Variants in CCNL1 observed in about 807,000 individuals in gnomAD.
The protein encoded by CCNL1 is cyclin-L1.
In CCNL1, 13 loss-of-function variants were observed where a neutral mutation model predicts 60.6. The ratio of observed to expected loss-of-function variants is 0.21; its 90% confidence interval spans 0.14 to 0.34. The LOEUF is 0.34. Among genes scored for constraint, CCNL1 ranks in the 10% least tolerant of loss-of-function variants. CCNL1 has a pLI of 1.00. For synonymous variants in CCNL1, 270 were observed against 244.3 expected (o/e 1.10, Z -0.98); for missense variants, 481 against 664.3 (o/e 0.72, Z 3.03).
downstream of CCNL1, among the ~76,000 whole-genome samples, chr3:157,146,864 TGTTA>T (rs1737803550): frequency 6.6e-6 from 1 of 152,204 alleles, no homozygotes; most frequent in South Asian, 2.1e-4. Flanking sequence ...TGCTGGGTCT[TGTTA>T]GTTTCTGGTT....
downstream of CCNL1, among the ~76,000 whole-genome samples, chr3:157,145,454 AAAAAAAAAAACC>A (rs1160853937): frequency 1.8e-3 from 270 of 148,956 alleles, 11 homozygotes; most frequent in African/African-American, 6.3e-3. Flanking sequence ...AAAAAAAAAA[AAAAAAAAAAACC>A]AAAACGGGAT....
intron 2 of CCNL1, 184 bp from the exon 3 acceptor site, chr3:157,159,159 G>A (rs1738857883): frequency 1.6e-5 from 10 of 630,834 alleles, no homozygotes; most frequent in Middle Eastern, 4.0e-4. Flanking sequence ...TGGTTCCAGA[G>A]TCAAACTCAA....
In CCNL1 at chr3:157,159,792, C is replaced by G; in HGVS notation, c.303G>C (p.Gln101His). 6.5e-7 allele frequency: 1 copy of G among 1,533,806 alleles called. No homozygotes were observed. Among genetic ancestry groups the G allele is most frequent in the Non-Finnish European group, 8.8e-7 (1 of 1,133,982 alleles). Reference protein sequence around the residue: ...QAAGILLRLPQVAMATGQVLF... With the variant: ...QAAGILLRLPHVAMATGQVLF... Reference sequence around the variant, plus strand: ...GCCGGCCCGGGGCCGGAGCACTGACCTGCGGCAGCCGGAGGAGAATGCCGG... The same window carrying G: ...GCCGGCCCGGGGCCGGAGCACTGACGTGCGGCAGCCGGAGGAGAATGCCGG... The change falls in exon 1 of 11, where the codon CAG (glutamine) becomes CAC (histidine). Residue 101 changes from glutamine to histidine, a missense_variant and splice_region_variant. This residue lies in a region of CCNL1 where 130 missense variants were observed against 174.5 expected (regional missense o/e 0.75). Transcript: ENST00000295926.
intron 8 of CCNL1, 43 bp downstream of exon 8, chr3:157,149,793 C>A: frequency 6.3e-7 from 1 of 1,591,590 alleles, no homozygotes. Flanking sequence ...TAAAGACACA[C>A]TTTCAGTGCC....
chr3:157,148,922 A>G (rs1737949534), intron 10 of CCNL1: 1 of 340,236 alleles, frequency 2.9e-6, no homozygotes, highest in African/African-American at 2.1e-5. Context: ...GGCCTAACTA[A>G]AGAAGATTCA....
downstream of CCNL1, among the ~76,000 whole-genome samples, chr3:157,146,850 CTT>C (rs1360600985): frequency 1.3e-5 from 2 of 152,134 alleles, no homozygotes; most frequent in Non-Finnish European, 2.9e-5. Flanking sequence ...AAGTGGCTAA[CTT>C]TTGCTGGGTC....
intron 3 of CCNL1, among the ~76,000 whole-genome samples, chr3:157,157,414 C>T (rs530244800): frequency 1.1e-4 from 16 of 152,280 alleles, no homozygotes; most frequent in African/African-American, 3.6e-4. Flanking sequence ...GAAAATTCCA[C>T]AGAAGATAAT....
At chr3:157,159,336 C>A (rs564482263) in intron 2 of CCNL1, 69 bp downstream of exon 2, 609 of 1,434,432 alleles carry the variant, frequency 4.2e-4, no homozygotes, top group Non-Finnish European at 5.6e-4. Flanking sequence ...AAGCTGGCTG[C>A]TGACACTACC....
chr3:157,151,757 G>C (rs1320990829), intron 5 of CCNL1: 1 of 1,017,878 alleles, frequency 9.8e-7, no homozygotes, highest in Non-Finnish European at 1.2e-6. Flanking sequence ...AAATCCTTTT[G>C]ACACCCCGAC....
Position 157,147,667 on chromosome 3 carries a change from T to C in CCNL1, c.*574A>G, listed in dbSNP as rs1023914425. ...CAATAGCTCACAATGCAGTTAAGAA[T>C]TGCATTTTAATAATCTCAAACTACC... On this transcript the variant is annotated 3_prime_UTR_variant, in exon 11 of 11. Coordinates refer to ENST00000295926, the MANE Select transcript of CCNL1 (RefSeq NM_020307.4). 2.7e-5 allele frequency: 27 copies of C among 983,492 alleles called. No individual in the cohort carries two copies. Among genetic ancestry groups the C allele is most frequent in the East Asian group, 1.1e-4 (1 of 8,836 alleles). 60.9% of individuals were successfully genotyped at this position (983,492 alleles called of 1,614,324 possible). A position where few individuals can be genotyped will look rare whatever the true frequency, so the allele number is the denominator to read the frequency against.
downstream of CCNL1, chr3:157,146,390 T>C (rs942105343): frequency 3.2e-6 from 1 of 309,384 alleles, no homozygotes; most frequent in Non-Finnish European, 6.3e-6. Context: ...AAAAACACCT[T>C]TAACATACAA....
chr3:157,149,418 T>G (rs1282467544), intron 9 of CCNL1, 33 bp from the exon 10 acceptor site: 5 of 1,609,568 alleles, frequency 3.1e-6, no homozygotes, highest in Non-Finnish European at 4.3e-6. Context: ...AGTTACAAAC[T>G]TAGTGTGTTA....
chr3:157,152,403 A>G (rs1738263290), intron 4 of CCNL1, 162 bp from the exon 5 acceptor site: 2 of 1,319,714 alleles, frequency 1.5e-6, no homozygotes, highest in Non-Finnish European at 1.9e-6. Context: ...GAACTGCTAC[A>G]TGACTAGATT....
At chr3:157,155,386 A>T (rs938794159) in intron 3 of CCNL1, among the ~76,000 whole-genome samples, 6 of 152,216 alleles carry the variant, frequency 3.9e-5, no homozygotes, top group Admixed American at 2.6e-4. Context: ...ATTTAGTCCC[A>T]AATCAGACTT....
chr3:157,143,574 C>T (rs1003072167), downstream of CCNL1, among the ~76,000 whole-genome samples: 7 of 152,138 alleles, frequency 4.6e-5, no homozygotes, highest in East Asian at 5.8e-4. Context: ...CCCTCCCTTA[C>T]GAGCTTACAT....
Position 157,160,140 on chromosome 3 carries a change from A to C in CCNL1, c.-46T>G, listed in dbSNP as rs769416067. The C allele has an allele frequency of 6.6e-7, 1 of 1,519,774 alleles. No homozygotes were observed. The highest frequency in any genetic ancestry group is 1.4e-5 in the African/African-American group (1 of 72,548). 94.1% of individuals were successfully genotyped at this position (1,519,774 alleles called of 1,614,324 possible). On this transcript the variant is annotated 5_prime_UTR_variant, in exon 1 of 11. Transcript: ENST00000295926. ...AAGCCCAACGCAGCCGGAACCCGAA[A>C]CAAGACTAACCAGCGTTCTCGGCGC...
intron 5 of CCNL1, chr3:157,150,863 T>A: frequency 1.0e-6 from 1 of 985,700 alleles, no homozygotes; most frequent in Non-Finnish European, 1.2e-6. Context: ...AAGTACCAAG[T>A]TAAACTTATA....
chr3:157,147,527 A>G, downstream of CCNL1: 1 of 945,290 alleles, frequency 1.1e-6, no homozygotes, highest in Non-Finnish European at 1.3e-6. Flanking sequence ...AAATTACCTT[A>G]TGACACCATT....
At position 157,152,157 on chromosome 3, in the gene CCNL1, A is replaced by C; in HGVS notation, c.674+20T>G. 6.2e-7 allele frequency: 1 copy of C among 1,606,110 alleles called. No homozygotes were observed. The highest frequency in any genetic ancestry group is 8.5e-7 in the Non-Finnish European group (1 of 1,177,832). ...CTTCTGTTTTCCTGGCTAGGAAAGA[A>C]ATCTAAAAAAGTGACTTACCAGGCA... is the stretch of plus-strand genomic sequence containing the variant. On this transcript the variant is annotated intron_variant, in intron 5 of 10. Coordinates refer to ENST00000295926, the MANE Select transcript of CCNL1 (RefSeq NM_020307.4).
Sources: allele counts gnomAD v4.1 joint callset (sites outside exome capture counted in the v4.1 genomes callset), GRCh38; gene constraint gnomAD v4.1.1; regional missense constraint gnomAD v4.1.1; transcripts MANE v1.5; gene names NCBI Gene and HGNC (gene_info 2026-07-23, HGNC 2026-07-21).